MTERF3: variants seen among roughly 807,000 people sequenced by gnomAD.
MTERF3 encodes the protein mitochondrial transcription termination factor 3, also known as transcription termination factor 3, mitochondrial.
MTERF3 carries 40 observed loss-of-function variants against 40.5 expected under a neutral mutation model. The observed-to-expected ratio is 0.99, with a 90% confidence interval of 0.77 to 1.29. The LOEUF (loss-of-function observed/expected upper bound fraction) is 1.29, where lower values mean the gene tolerates loss of function less well. Among genes scored for constraint, MTERF3 ranks in the 50% most tolerant of loss-of-function variants. The pLI is 0.00. For missense variants in MTERF3, 452 were observed against 478.2 expected (o/e 0.95, Z 0.51); for synonymous variants, 158 against 166.6 (o/e 0.95, Z 0.40).
intron 2 of MTERF3, among the ~76,000 whole-genome samples, chr8:96,257,922 G>A (rs1810310576): frequency 1.3e-5 from 2 of 152,126 alleles, no homozygotes; most frequent in South Asian, 2.1e-4. Context: ...ACTAAAAAGC[G>A]ACCATGAGGG....
intron 3 of MTERF3, among the ~76,000 whole-genome samples, chr8:96,253,379 C>T (rs374930251): frequency 2.0e-5 from 3 of 152,182 alleles, no homozygotes; most frequent in East Asian, 1.9e-4. Flanking sequence ...AGGGAAGGAA[C>T]GGGAAAAATA....
intron 3 of MTERF3, among the ~76,000 whole-genome samples, chr8:96,255,108 T>A (rs1810255920): frequency 6.6e-6 from 1 of 152,208 alleles, no homozygotes; most frequent in South Asian, 2.1e-4. Context: ...GGTCACTGAC[T>A]TAGATCTGCA....
At chr8:96,244,552 C>G (rs912114880) in intron 6 of MTERF3, among the ~76,000 whole-genome samples, 3 of 151,928 alleles carry the variant, frequency 2.0e-5, no homozygotes, top group Non-Finnish European at 4.4e-5. Flanking sequence ...AGGTGCCCAC[C>G]ACCATGCCTG....
intron 2 of MTERF3, among the ~76,000 whole-genome samples, chr8:96,257,707 T>G (rs1810306248): frequency 6.6e-6 from 1 of 152,098 alleles, no homozygotes; most frequent in South Asian, 2.1e-4. Flanking sequence ...GAACTACACA[T>G]TACCTTAAGC....
intron 6 of MTERF3, among the ~76,000 whole-genome samples, chr8:96,244,386 G>A (rs1235508441): frequency 6.6e-6 from 1 of 150,738 alleles, no homozygotes; most frequent in Non-Finnish European, 1.5e-5. Context: ...TTACAGGTGT[G>A]AGCCACCGCG....
intron 3 of MTERF3, among the ~76,000 whole-genome samples, chr8:96,251,362 G>A (rs946557363): frequency 3.3e-5 from 5 of 152,162 alleles, no homozygotes; most frequent in African/African-American, 1.2e-4. Flanking sequence ...TATTGGTGTA[G>A]GGTCATCATC....
intron 3 of MTERF3, among the ~76,000 whole-genome samples, chr8:96,255,357 G>T (rs1343648700): frequency 6.6e-6 from 1 of 152,164 alleles, no homozygotes; most frequent in Non-Finnish European, 1.5e-5. Context: ...ATCAAGGATA[G>T]GCCGAGTGCG....
Position 96,244,190 on chromosome 8 carries a change from C to T in MTERF3, c.898-110G>A, listed in dbSNP as rs1326658863. On this transcript the variant is annotated intron_variant, in intron 6 of 7. Coordinates refer to ENST00000287025, the MANE Select transcript of MTERF3 (RefSeq NM_015942.5). ...TTTTGAGATGGAGCTCGCTATGTTG[C>T]CCAGGATGGAGTGCAGTGGCATGAT... 8 of 860,780 alleles carry T rather than the reference C, an allele frequency of 9.3e-6. No homozygotes were observed. The African/African-American group carries it at 1.0e-4, about 11-fold the overall frequency. The allele number at this position is 860,780 out of a possible 1,614,324, so 53.3% of individuals were successfully genotyped here.
At chr8:96,245,984 G>T (rs1356744943) in intron 5 of MTERF3, 53 bp from the exon 6 acceptor site, 9 of 1,510,364 alleles carry the variant, frequency 6.0e-6, no homozygotes, top group Non-Finnish European at 8.2e-6. Context: ...TCTTTAACTA[G>T]TTTGGAAAAT....
chr8:96,245,271 A>G (rs1463790931), intron 6 of MTERF3, among the ~76,000 whole-genome samples: 1 of 152,190 alleles, frequency 6.6e-6, no homozygotes, highest in East Asian at 1.9e-4. Flanking sequence ...TAATATTTCA[A>G]ATACTACTAC....
Position 96,258,628 on chromosome 8 carries a change from A to G in MTERF3, c.63T>C (p.Ile21=), listed in dbSNP as rs768774955. The stretch of plus-strand genomic sequence containing the variant: ...AACGTTTTGTGAGTTGTGCAGCATT[A>G]ATGAGGCTCCTCAACTTAACTGAGT... ...WFNSVKLRSL[I]NAAQLTKRFT... The change falls in exon 2 of 8, where the codon ATT becomes ATC. Residue 21 remains isoleucine, a synonymous_variant. Transcript: ENST00000287025. The G allele has an allele frequency of 6.2e-7, 1 of 1,614,100 alleles. No homozygotes were observed. The highest frequency in any genetic ancestry group is 8.5e-7 in the Non-Finnish European group (1 of 1,179,948).
At position 96,258,576 on chromosome 8, in the gene MTERF3, G is replaced by T; in HGVS notation, c.115C>A (p.His39Asn). Residue 39 changes from histidine to asparagine, a missense_variant, in exon 2 of 8, where the codon CAT becomes AAT. By Grantham distance (68) the His-to-Asn change is moderately conservative. Coordinates refer to ENST00000287025, the MANE Select transcript of MTERF3 (RefSeq NM_015942.5). The stretch of plus-strand genomic sequence containing the variant: ...ATCTGAGGCTGAGCAGAAAAGCCAT[G>T]TAACAGTGTTCTTGCTGGTCTAGTA... ...RFTRPARTLLHGFSAQPQISS... is the reference protein window; with the variant it reads ...RFTRPARTLLNGFSAQPQISS... 1.2e-6 allele frequency: 2 copies of T among 1,614,152 alleles called. No homozygotes were observed. Among genetic ancestry groups the T allele is most frequent in the South Asian group, 1.1e-5 (1 of 91,090 alleles).
chr8:96,250,613 GGC>G (rs1810131264), intron 4 of MTERF3, among the ~76,000 whole-genome samples: 1 of 28,398 alleles, frequency 3.5e-5, no homozygotes, highest in Non-Finnish European at 8.7e-5. Context: ...GGGAGGCTGA[GGC>G]AGAAGAAGAA....
At chr8:96,257,275 G>T (rs1810298518) in intron 2 of MTERF3, 161 bp from the exon 3 acceptor site, 1 of 632,438 alleles carries the variant, frequency 1.6e-6, no homozygotes, top group Non-Finnish European at 2.5e-6. Context: ...TAAGAGGTAA[G>T]GTTACAACTA....
intron 3 of MTERF3, among the ~76,000 whole-genome samples, chr8:96,256,689 C>T (rs1810285359): frequency 6.6e-6 from 1 of 151,966 alleles, no homozygotes; most frequent in Admixed American, 6.5e-5. Context: ...ACTGATGAAC[C>T]AAACAACAGC....
At chr8:96,250,883 G>T in intron 4 of MTERF3, 23 bp downstream of exon 4, 1 of 1,584,396 alleles carries the variant, frequency 6.3e-7, no homozygotes. Context: ...TAGGTTATAT[G>T]AGAATCCTTT....
chr8:96,254,755 G>A, intron 3 of MTERF3, among the ~76,000 whole-genome samples: 1 of 152,164 alleles, frequency 6.6e-6, no homozygotes, highest in East Asian at 1.9e-4. Flanking sequence ...ATATTTAGAT[G>A]TTTCTGAGGA....
At chr8:96,250,564 AGCCAGGCATGGTG>A (rs1810121802) in intron 4 of MTERF3, among the ~76,000 whole-genome samples, 1 of 144,792 alleles carries the variant, frequency 6.9e-6, no homozygotes, top group South Asian at 2.3e-4. Context: ...TACAAAAATT[AGCCAGGCATGGTG>A]GCCACCTGTA....
At chr8:96,250,647 GAAGAAGAAGAAGAAGAAGAAGAAGAAGA>G (rs1810144665) in intron 4 of MTERF3, among the ~76,000 whole-genome samples, 1 of 25,106 alleles carries the variant, frequency 4.0e-5, no homozygotes, top group African/African-American at 1.6e-4. Context: ...AGAAGAAGAA[GAAGAAGAAGAAGAAGAAGAAGAAGAAGA>G]AGAAGAAGGA....
Sources: allele counts gnomAD v4.1 joint callset (sites outside exome capture counted in the v4.1 genomes callset), GRCh38; gene constraint gnomAD v4.1.1; transcripts MANE v1.5; gene names NCBI Gene and HGNC (gene_info 2026-07-23, HGNC 2026-07-21).